The following AOAH variants were observed in gnomAD, a reference collection of about 807,000 sequenced individuals.
AOAH encodes the protein acyloxyacyl hydrolase (neutrophil).
A neutral mutation model predicts 92.2 loss-of-function variants in AOAH; 64 were observed. The ratio of observed to expected loss-of-function variants is 0.69; its 90% CI spans 0.57 to 0.86. The LOEUF is 0.86. Among genes scored for constraint, AOAH ranks in the 40% least tolerant of loss-of-function variants. AOAH has a pLI of 0.00. For synonymous variants in AOAH, 263 were observed against 254.5 expected (o/e 1.03, Z -0.32); for missense variants, 656 against 694.6 (o/e 0.94, Z 0.62).
intron 20 of AOAH, among the ~76,000 whole-genome samples, chr7:36,520,511 G>A (rs1044744764): frequency 1.3e-4 from 20 of 152,320 alleles, no homozygotes; most frequent in African/African-American, 4.8e-4. Context: ...TTCGAGACCA[G>A]CCTGACCAAC....
intron 1 of AOAH, among the ~76,000 whole-genome samples, chr7:36,694,138 T>TG (rs1475634438): frequency 1.3e-5 from 2 of 152,132 alleles, no homozygotes; most frequent in African/African-American, 2.4e-5. Flanking sequence ...CATTTTTTTG[T>TG]GGGGGGAGTA....
At chr7:36,584,212 A>T (rs1789140672) in intron 12 of AOAH, among the ~76,000 whole-genome samples, 1 of 152,216 alleles carries the variant, frequency 6.6e-6, no homozygotes, top group South Asian at 2.1e-4. Context: ...CATTTCCAAA[A>T]CTTATTTGAC....
At chr7:36,678,581 G>GTGTT (rs1460427453) in intron 2 of AOAH, among the ~76,000 whole-genome samples, 6 of 126,126 alleles carry the variant, frequency 4.8e-5, no homozygotes, top group Admixed American at 2.9e-4. Flanking sequence ...GTGTGTGTGT[G>GTGTT]TGTGTGTGTG....
chr7:36,641,257 A>AAAT (rs1174451204), intron 4 of AOAH, among the ~76,000 whole-genome samples: 1 of 152,170 alleles, frequency 6.6e-6, no homozygotes, highest in East Asian at 1.9e-4. Flanking sequence ...ATCATAATAA[A>AAAT]AATGGAGTTT....
At chr7:36,613,304 T>C (rs988440266) in intron 11 of AOAH, among the ~76,000 whole-genome samples, 1 of 152,194 alleles carries the variant, frequency 6.6e-6, no homozygotes, top group African/African-American at 2.4e-5. Context: ...TTTTCCCTCC[T>C]AGTATCTTCC....
chr7:36,567,341 AG>A (rs373523966), intron 13 of AOAH, among the ~76,000 whole-genome samples: 5 of 152,292 alleles, frequency 3.3e-5, no homozygotes, highest in African/African-American at 1.2e-4. Flanking sequence ...CAAGGCCTTT[AG>A]TATGAGACAG....
At chr7:36,608,117 C>T (rs554706683) in intron 11 of AOAH, among the ~76,000 whole-genome samples, 2 of 152,368 alleles carry the variant, frequency 1.3e-5, no homozygotes, top group African/African-American at 4.8e-5. Flanking sequence ...GGCCCACGCT[C>T]TTTCTGTCCT....
At chr7:36,682,099 C>T (rs1006973984) in intron 2 of AOAH, among the ~76,000 whole-genome samples, 1 of 152,178 alleles carries the variant, frequency 6.6e-6, no homozygotes, top group Non-Finnish European at 1.5e-5. Flanking sequence ...GGGGTTTTGC[C>T]CAATCAATAG....
At chr7:36,710,788 C>T (rs1440570275) in intron 1 of AOAH, among the ~76,000 whole-genome samples, 1 of 152,150 alleles carries the variant, frequency 6.6e-6, no homozygotes, top group Non-Finnish European at 1.5e-5. Flanking sequence ...TTTTGCCTTA[C>T]AATAGGTTTA....
At chr7:36,524,233 T>C (rs145745837) in intron 19 of AOAH, among the ~76,000 whole-genome samples, 45 of 152,060 alleles carry the variant, frequency 3.0e-4, no homozygotes, top group Middle Eastern at 3.5e-3. Flanking sequence ...AACAGGGTGT[T>C]GCACGGACTG....
intron 1 of AOAH, among the ~76,000 whole-genome samples, chr7:36,698,230 G>A (rs1166849044): frequency 1.3e-5 from 2 of 151,892 alleles, no homozygotes; most frequent in African/African-American, 2.4e-5. Flanking sequence ...AATTGTTTAC[G>A]ATCTTTCCTT....
intron 4 of AOAH, among the ~76,000 whole-genome samples, chr7:36,644,436 TGG>T (rs1483978890): frequency 6.6e-6 from 1 of 152,130 alleles, no homozygotes; most frequent in Admixed American, 6.5e-5. Flanking sequence ...GGCCGCTTTG[TGG>T]GAATAAATAT....
At chr7:36,601,403 CAGGCACCAG>C (rs764050309) in intron 11 of AOAH, among the ~76,000 whole-genome samples, 3 of 151,894 alleles carry the variant, frequency 2.0e-5, no homozygotes, top group Non-Finnish European at 2.9e-5. Flanking sequence ...AGAGAAACAT[CAGGCACCAG>C]ACTGTGCTGG....
At chr7:36,620,520 A>G (rs1170382274) in intron 9 of AOAH, among the ~76,000 whole-genome samples, 12 of 152,240 alleles carry the variant, frequency 7.9e-5, no homozygotes, top group Admixed American at 3.3e-4. Flanking sequence ...CACACTGTTC[A>G]AAACAGTATA....
chr7:36,571,625 C>T (rs911023082), intron 13 of AOAH, among the ~76,000 whole-genome samples: 7 of 152,314 alleles, frequency 4.6e-5, no homozygotes, highest in Admixed American at 3.9e-4. Flanking sequence ...ATCTTAGCTT[C>T]CATCACTTCT....
chr7:36,631,010 C>T lies in AOAH; in HGVS notation c.521+1026G>A, dbSNP rs1369411571. On this transcript the variant is annotated intron_variant, in intron 6 of 20. Coordinates refer to ENST00000617537, the MANE Select transcript of AOAH (RefSeq NM_001637.4). ...CAGCATCTGGCACCTGGAACAGCGC[C>T]CATAAACCTGATAGCAGCAAAGCAG... Among the ~76,000 whole-genome samples the T allele has an allele frequency of 3.9e-5, 6 of 152,162 alleles. No homozygotes were observed. The East Asian group carries it at 1.2e-3, about 29-fold the overall frequency.
chr7:36,673,330 G>C (rs180755834), intron 3 of AOAH, among the ~76,000 whole-genome samples: 47 of 152,286 alleles, frequency 3.1e-4, no homozygotes, highest in African/African-American at 1.1e-3. Context: ...ATGAGGTCAA[G>C]AGTTTGAGAC....
intron 11 of AOAH, among the ~76,000 whole-genome samples, chr7:36,604,265 T>C (rs928082782): frequency 6.6e-6 from 1 of 152,218 alleles, no homozygotes; most frequent in Non-Finnish European, 1.5e-5. Flanking sequence ...AATAAGATAA[T>C]GTTAAATAGG....
intron 13 of AOAH, among the ~76,000 whole-genome samples, chr7:36,575,936 A>G (rs775471322): frequency 1.3e-5 from 2 of 152,236 alleles, no homozygotes; most frequent in Non-Finnish European, 2.9e-5. Context: ...ATAGCAGACA[A>G]GAGTGCCAAG....
Sources: allele counts gnomAD v4.1 joint callset (sites outside exome capture counted in the v4.1 genomes callset), GRCh38; gene constraint gnomAD v4.1.1; transcripts MANE v1.5; gene names NCBI Gene and HGNC (gene_info 2026-07-23, HGNC 2026-07-21).